Variants in CACNG3 observed in about 807,000 individuals in gnomAD.
The protein encoded by CACNG3 is calcium voltage-gated channel auxiliary subunit gamma 3.
In CACNG3, 3 loss-of-function variants were observed where a neutral mutation model predicts 28.5. The observed-to-expected ratio is 0.11, with a 90% CI of 0.05 to 0.27. The LOEUF (loss-of-function observed/expected upper bound fraction) is 0.27, where lower values mean the gene tolerates loss of function less well. CACNG3 is among the 10% of genes least tolerant of loss of function. The pLI, the probability that CACNG3 is intolerant of heterozygous loss-of-function variation, is 1.00. For synonymous variants in CACNG3, 174 were observed against 162.2 expected (o/e 1.07, Z -0.55); for missense variants, 236 against 414.4 (o/e 0.57, Z 3.74).
chr16:24,337,025 G>A (rs551061041), intron 1 of CACNG3, among the ~76,000 whole-genome samples: 2 of 152,044 alleles, frequency 1.3e-5, no homozygotes, highest in African/African-American at 4.8e-5. Context: ...TGTTGCTTAG[G>A]CTAGTCTTGA....
At chr16:24,345,698 C>T (rs552000205) in intron 1 of CACNG3, among the ~76,000 whole-genome samples, 20 of 152,152 alleles carry the variant, frequency 1.3e-4, no homozygotes, top group Non-Finnish European at 1.9e-4. Context: ...GAAACTCTGT[C>T]TCAAACAAAA....
At chr16:24,316,005 G>A (rs1000498536) in intron 1 of CACNG3, among the ~76,000 whole-genome samples, 5 of 152,078 alleles carry the variant, frequency 3.3e-5, no homozygotes. Context: ...TATGTGCCAG[G>A]CAGCATGCCA....
chr16:24,263,153 G>A (rs762807071), intron 1 of CACNG3, among the ~76,000 whole-genome samples: 6 of 152,144 alleles, frequency 3.9e-5, no homozygotes, highest in Admixed American at 1.3e-4. Context: ...TTCAGTAGAT[G>A]TGCATGTGAT....
intron 1 of CACNG3, among the ~76,000 whole-genome samples, chr16:24,278,062 T>A (rs1213111837): frequency 1.4e-4 from 21 of 152,102 alleles, no homozygotes; most frequent in Admixed American, 1.3e-3. Context: ...AAACAGATTT[T>A]TGAGACGTAA....
At chr16:24,344,127 A>C (rs993441491) in intron 1 of CACNG3, among the ~76,000 whole-genome samples, 1 of 151,996 alleles carries the variant, frequency 6.6e-6, no homozygotes, top group Non-Finnish European at 1.5e-5. Context: ...TAGATAGCTA[A>C]AGAGGATAAA....
At chr16:24,294,114 G>A (rs1402192490) in intron 1 of CACNG3, among the ~76,000 whole-genome samples, 1 of 152,174 alleles carries the variant, frequency 6.6e-6, no homozygotes, top group South Asian at 2.1e-4. Context: ...CTGGCGTTGT[G>A]CACCTGATCG....
intron 1 of CACNG3, among the ~76,000 whole-genome samples, chr16:24,258,197 T>C (rs1898493494): frequency 6.6e-6 from 1 of 152,248 alleles, no homozygotes; most frequent in Non-Finnish European, 1.5e-5. Context: ...TGGGAAATCA[T>C]GCTATGACAT....
intron 1 of CACNG3, among the ~76,000 whole-genome samples, chr16:24,328,307 A>G (rs1246336002): frequency 6.6e-6 from 1 of 151,512 alleles, no homozygotes; most frequent in Non-Finnish European, 1.5e-5. Flanking sequence ...GTGCTCGTGC[A>G]AAGGCCCTGA....
intron 1 of CACNG3, among the ~76,000 whole-genome samples, chr16:24,314,751 TCC>T: frequency 6.7e-6 from 1 of 149,674 alleles, no homozygotes. Flanking sequence ...CTCCTCCTCC[TCC>T]TCCTCCTCCT....
chr16:24,285,149 C>G (rs1898876490), intron 1 of CACNG3, among the ~76,000 whole-genome samples: 1 of 152,112 alleles, frequency 6.6e-6, no homozygotes, highest in Non-Finnish European at 1.5e-5. Flanking sequence ...TCAGGACTTA[C>G]TCTGGGAAAG....
chr16:24,343,485 C>A lies in CACNG3; in HGVS notation c.212-3249C>A, dbSNP rs116431174. On this transcript the variant is annotated intron_variant, in intron 1 of 3. Coordinates refer to ENST00000005284, the MANE Select transcript of CACNG3 (RefSeq NM_006539.4). ...CAACTAACAATGGATGGTGTCACTA[C>A]CAACACCCTTCCCCTGCCCAGGTGC... Among the ~76,000 whole-genome samples, 407 of 152,268 alleles carry A rather than the reference C, an allele frequency of 2.7e-3. 2 individuals are homozygous for A. Among genetic ancestry groups the A allele is most frequent in the African/African-American group, 9.5e-3 (395 of 41,542 alleles).
chr16:24,349,918 G>A (rs1899918330), intron 2 of CACNG3, among the ~76,000 whole-genome samples: 1 of 152,184 alleles, frequency 6.6e-6, no homozygotes, highest in Non-Finnish European at 1.5e-5. Context: ...CTGTTGACTA[G>A]AGACTTCCAC....
At chr16:24,301,793 A>G (rs920003623) in intron 1 of CACNG3, among the ~76,000 whole-genome samples, 2 of 152,166 alleles carry the variant, frequency 1.3e-5, no homozygotes, top group Admixed American at 6.5e-5. Context: ...AGAGAGCACT[A>G]TTCTATTCAT....
At chr16:24,307,311 G>A (rs1447586296) in intron 1 of CACNG3, among the ~76,000 whole-genome samples, 14 of 152,066 alleles carry the variant, frequency 9.2e-5, no homozygotes, top group Middle Eastern at 3.4e-3. Flanking sequence ...TAGTAGAGAC[G>A]GGGTTTCACC....
At chr16:24,321,203 C>T (rs1429570086) in intron 1 of CACNG3, among the ~76,000 whole-genome samples, 11 of 152,238 alleles carry the variant, frequency 7.2e-5, no homozygotes, top group Non-Finnish European at 1.0e-4. Context: ...CAGTGGCTCA[C>T]GCCTTTGTGT....
At chr16:24,301,341 C>T (rs1899108539) in intron 1 of CACNG3, among the ~76,000 whole-genome samples, 1 of 152,170 alleles carries the variant, frequency 6.6e-6, no homozygotes, top group South Asian at 2.1e-4. Context: ...CATTCACTTT[C>T]ATTTTTTTCC....
intron 1 of CACNG3, among the ~76,000 whole-genome samples, chr16:24,313,079 GGA>G: frequency 6.7e-6 from 1 of 148,892 alleles, no homozygotes; most frequent in East Asian, 2.0e-4. Context: ...GAGGGAGGAA[GGA>G]AGGAAGGAAG....
rs1000906470 is a variant in CACNG3 at position 24,354,383 on chromosome 16, C to T, written c.296-450C>T. 1.5e-4 allele frequency among the ~76,000 whole-genome samples: 23 copies of T among 152,080 alleles called. 2 individuals are homozygous for T. Among genetic ancestry groups the T allele is most frequent in the East Asian group, 3.9e-4 (2 of 5,142 alleles). On this transcript the variant is annotated intron_variant, in intron 2 of 3. Transcript: ENST00000005284. ...ACCCAACTCTGACTCTCCTTGTGTCCGTGCCTGGGCTCCCACCAAGGGCAA... is the reference window on the plus strand; with the variant it reads ...ACCCAACTCTGACTCTCCTTGTGTCTGTGCCTGGGCTCCCACCAAGGGCAA...
chr16:24,267,462 A>T (rs974727576), intron 1 of CACNG3, among the ~76,000 whole-genome samples: 2 of 151,904 alleles, frequency 1.3e-5, no homozygotes, highest in Non-Finnish European at 2.9e-5. Context: ...TATTTTTAAA[A>T]TTTTTTGTAG....
Sources: gnomAD v4.1 joint callset for allele counts (sites outside exome capture counted in the v4.1 genomes callset) on GRCh38, gnomAD v4.1.1 for gene constraint, MANE v1.5 for transcripts, NCBI Gene and HGNC (gene_info 2026-07-23, HGNC 2026-07-21) for gene names.